ELFN1: variants seen among roughly 807,000 people sequenced by gnomAD.
ELFN1 encodes protein ELFN1.
A neutral mutation model predicts 7.6 loss-of-function variants in ELFN1; 6 were observed. That is an observed-to-expected ratio of 0.79 (90% CI 0.43 to 1.56). ELFN1 has a LOEUF of 1.56. Among genes scored for constraint, ELFN1 ranks in the 40% most tolerant of loss-of-function variants. The pLI, the probability that ELFN1 is intolerant of heterozygous loss-of-function variation, is 0.01. For synonymous variants in ELFN1, 657 were observed against 588.1 expected (o/e 1.12, Z -1.70); for missense variants, 1,169 against 1,232.2 (o/e 0.95, Z 0.77).
chr7:1,726,710 C>T (rs1441501445), intron 3 of ELFN1, among the ~76,000 whole-genome samples: 4 of 152,206 alleles, frequency 2.6e-5, no homozygotes, highest in Admixed American at 1.3e-4. Context: ...GCCAGAGGCA[C>T]GGCAAGGGTG....
Position 1,744,284 on chromosome 7 carries a change from T to G in ELFN1, c.-293-20T>G. 1 of 277,070 alleles carries G rather than the reference T, an allele frequency of 3.6e-6. No homozygotes were observed. Among genetic ancestry groups the G allele is most frequent in the Non-Finnish European group, 6.3e-6 (1 of 158,166 alleles). The allele number at this position is 277,070 out of a possible 1,614,324, so 17.2% of individuals were successfully genotyped here. A position where few individuals can be genotyped will look rare whatever the true frequency, so the allele number is the denominator to read the frequency against. On this transcript the variant is annotated intron_variant, in intron 3 of 3. Transcript: ENST00000424383. The stretch of plus-strand genomic sequence containing the variant: ...CTTCTCTCTTGTCCCCTGACCGCTG[T>G]CTTCTCTCTTGTCTTGCAGCAGGAA...
chr7:1,670,795 G>C lies in ELFN1; in HGVS notation c.-549+441G>C, dbSNP rs1026182792. The stretch of plus-strand genomic sequence containing the variant: ...TGGCCGAGTCGCTGACCCCTCCCCA[G>C]GCTCGCATCGCCCTCCCTGCTGGGC... On this transcript the variant is annotated intron_variant, in intron 1 of 3. Transcript: ENST00000424383. The surrounding 1 kb of genome is among the most constrained non-coding windows in gnomAD (Gnocchi z 6.4). Among the ~76,000 whole-genome samples, 1 of 152,140 alleles carries C rather than the reference G, an allele frequency of 6.6e-6. No individual in the cohort carries two copies. The highest frequency in any genetic ancestry group is 6.5e-5 in the Admixed American group (1 of 15,282).
In ELFN1 at chr7:1,746,432, G is replaced by T; in HGVS notation, c.1836G>T (p.Leu612=). 1 of 1,532,006 alleles carries T rather than the reference G, an allele frequency of 6.5e-7. No homozygotes were observed. Among genetic ancestry groups the T allele is most frequent in the Non-Finnish European group, 8.8e-7 (1 of 1,142,100 alleles). The allele number at this position is 1,532,006 out of a possible 1,614,324, so 94.9% of individuals were successfully genotyped here. A position where few individuals can be genotyped will look rare whatever the true frequency, so the allele number is the denominator to read the frequency against. The change falls in exon 4 of 4, where the codon CTG becomes CTT. Residue 612 remains leucine (L), a synonymous_variant. Coordinates refer to ENST00000424383, the MANE Select transcript of ELFN1 (RefSeq NM_001128636.4). ...CGCTGGCCGCCAAGCACGGCTTCCT[G>T]GCGCCCGGGTACAAGGACGCCTTCG... The part of the protein sequence containing the change: ...SEPLAAKHGF[L]APGYKDAFGH...
intron 2 of ELFN1, among the ~76,000 whole-genome samples, chr7:1,706,421 CAA>C (rs765908432): frequency 7.0e-6 from 1 of 143,418 alleles, no homozygotes; most frequent in African/African-American, 2.8e-5. Context: ...GACTCTGTCT[CAA>C]AAAAACAAAA....
At position 1,693,731 on chromosome 7, in the gene ELFN1, C is replaced by T. The variant is rs1292561884; in HGVS notation, c.-456+5581C>T. On this transcript the variant is annotated intron_variant, in intron 2 of 3. Coordinates refer to ENST00000424383, the MANE Select transcript of ELFN1 (RefSeq NM_001128636.4). ...GCGCCACACTCACCCTCCCGCTCGT[C>T]CCCATGGCAACCCCAGAGCAGGTGT... 5 of 471,020 alleles carry T rather than the reference C, an allele frequency of 1.1e-5. No individual in the cohort carries two copies. The Admixed American group carries it at 1.2e-4, about 11-fold the overall frequency. 29.2% of individuals were successfully genotyped at this position (471,020 alleles called of 1,614,324 possible). A position where few individuals can be genotyped will look rare whatever the true frequency, so the allele number is the denominator to read the frequency against.
chr7:1,741,452 C>T (rs1780611346), intron 3 of ELFN1, among the ~76,000 whole-genome samples: 1 of 152,326 alleles, frequency 6.6e-6, no homozygotes, highest in African/African-American at 2.4e-5. Context: ...CTGCCTCCCT[C>T]ATCACACAGG....
At chr7:1,715,000 C>G (rs937138005) in intron 3 of ELFN1, among the ~76,000 whole-genome samples, 1 of 152,132 alleles carries the variant, frequency 6.6e-6, no homozygotes, top group African/African-American at 2.4e-5. Context: ...CTCTGGCCAT[C>G]GTATCTGCAT....
Position 1,744,396 on chromosome 7 carries a change from A to C in ELFN1, c.-201A>C. The C allele has an allele frequency of 3.5e-6, 2 of 572,638 alleles. No homozygotes were observed. Among genetic ancestry groups the C allele is most frequent in the Non-Finnish European group, 5.9e-6 (2 of 339,132 alleles). 35.5% of individuals were successfully genotyped at this position (572,638 alleles called of 1,614,324 possible). On this transcript the variant is annotated 5_prime_UTR_variant, in exon 4 of 4. Coordinates refer to ENST00000424383, the MANE Select transcript of ELFN1 (RefSeq NM_001128636.4). ...TCGGTCACCACAGGACTGGGGCGGA[A>C]GACGAGAGGCGGCCGGCCGTGAGGG...
Position 1,670,844 on chromosome 7 carries a change from C to T in ELFN1, c.-549+490C>T, listed in dbSNP as rs1778750821. ...GCCGCCCTCCCCCCGACGCTGCGAG[C>T]CTCCTCGCTCCGCGCGGGGACCGTC... On this transcript the variant is annotated intron_variant, in intron 1 of 3. Transcript: ENST00000424383. The surrounding 1 kb of genome is among the most constrained non-coding windows in gnomAD (Gnocchi z 6.4). Among the ~76,000 whole-genome samples, 1 of 152,134 alleles carries T rather than the reference C, an allele frequency of 6.6e-6. No homozygotes were observed. The highest frequency in any genetic ancestry group is 1.9e-4 in the East Asian group (1 of 5,152).
At chr7:1,672,975 G>GA (rs1196649317) in intron 1 of ELFN1, among the ~76,000 whole-genome samples, 2 of 152,136 alleles carry the variant, frequency 1.3e-5, no homozygotes, top group Non-Finnish European at 2.9e-5. Flanking sequence ...ACAGGCGAGA[G>GA]ATAGATAGAT....
Position 1,746,626 on chromosome 7 carries a change from C to A in ELFN1, c.2030C>A (p.Ala677Asp). The change falls in exon 4 of 4, where the codon GCC becomes GAC. Residue 677 changes from alanine (A) to aspartate (D), a missense_variant. This residue lies in a region of ELFN1 where 914 missense variants were observed against 872.6 expected (regional missense o/e 1.05). Transcript: ENST00000424383. The stretch of plus-strand genomic sequence containing the variant: ...TACATCGAGAAGGGCTCCCCCGCGG[C>A]CGACGCCATCCTCACTGTGACACCC... ...AKYIEKGSPAADAILTVTPAA... is the reference protein window; with the variant it reads ...AKYIEKGSPADDAILTVTPAA... The A allele has an allele frequency of 1.5e-6, 2 of 1,350,282 alleles. No homozygotes were observed. Among genetic ancestry groups the A allele is most frequent in the Non-Finnish European group, 1.9e-6 (2 of 1,056,050 alleles). 83.6% of individuals were successfully genotyped at this position (1,350,282 alleles called of 1,614,324 possible). A position where few individuals can be genotyped will look rare whatever the true frequency, so the allele number is the denominator to read the frequency against.
At chr7:1,697,895 C>A (rs1017563265) in intron 2 of ELFN1, among the ~76,000 whole-genome samples, 2 of 152,234 alleles carry the variant, frequency 1.3e-5, no homozygotes, top group African/African-American at 4.8e-5. Context: ...AGTGATCCTC[C>A]CGCCTCAGCC....
intron 1 of ELFN1, among the ~76,000 whole-genome samples, chr7:1,680,737 ATTTTTT>A (rs967183963): frequency 1.6e-5 from 2 of 128,922 alleles, no homozygotes; most frequent in African/African-American, 6.0e-5. Flanking sequence ...TGGATTTACA[ATTTTTT>A]TTTTTTTTTT....
In ELFN1 at chr7:1,740,156, G is replaced by T. The variant is rs1356945731; in HGVS notation, c.-293-4148G>T. Among the ~76,000 whole-genome samples the T allele has an allele frequency of 6.6e-6, 1 of 152,164 alleles. No homozygotes were observed. The highest frequency in any genetic ancestry group is 2.4e-5 in the African/African-American group (1 of 41,426). ...CCTGAGGGGTGCCCATTCCAGAGGCGCCACGGCCTCTGTGTCTCCCTGAGG... is the reference window on the plus strand; with the variant it reads ...CCTGAGGGGTGCCCATTCCAGAGGCTCCACGGCCTCTGTGTCTCCCTGAGG... On this transcript the variant is annotated intron_variant, in intron 3 of 3. Coordinates refer to ENST00000424383, the MANE Select transcript of ELFN1 (RefSeq NM_001128636.4). The surrounding 1 kb of genome is among the most constrained non-coding windows in gnomAD (Gnocchi z 5.0).
Position 1,724,147 on chromosome 7 carries a change from A to T in ELFN1, c.-294+14895A>T, listed in dbSNP as rs180788041. 7.2e-5 allele frequency among the ~76,000 whole-genome samples: 11 copies of T among 152,354 alleles called. No individual in the cohort carries two copies. The East Asian group carries it at 2.1e-3, about 29-fold the overall frequency. The stretch of plus-strand genomic sequence containing the variant: ...ACAGCACAGACGTCACAGGGTTACC[A>T]TAAGTATCCAACATGTTAATATATG... On this transcript the variant is annotated intron_variant, in intron 3 of 3. Coordinates refer to ENST00000424383, the MANE Select transcript of ELFN1 (RefSeq NM_001128636.4).
At chr7:1,723,194 CA>C (rs1036778915) in intron 3 of ELFN1, among the ~76,000 whole-genome samples, 1 of 152,010 alleles carries the variant, frequency 6.6e-6, no homozygotes, top group Non-Finnish European at 1.5e-5. Flanking sequence ...AACTCCATCT[CA>C]AAAAAAATTT....
chr7:1,713,846 C>T (rs996598162), intron 3 of ELFN1, among the ~76,000 whole-genome samples: 3 of 152,180 alleles, frequency 2.0e-5, no homozygotes, highest in Admixed American at 1.3e-4. Context: ...ATCCCCGCAC[C>T]CTGCGTGCCA....
chr7:1,667,193 A>G (rs1474273050), upstream of ELFN1, among the ~76,000 whole-genome samples: 1 of 150,872 alleles, frequency 6.6e-6, no homozygotes, highest in Non-Finnish European at 1.5e-5. The surrounding 1 kb of genome is among the most constrained non-coding windows in gnomAD (Gnocchi z 8.2). Context: ...CCTGGGCCGT[A>G]CCCGCGCAAT....
chr7:1,697,104 C>T (rs1009831793), intron 2 of ELFN1, among the ~76,000 whole-genome samples: 4 of 152,280 alleles, frequency 2.6e-5, no homozygotes, highest in African/African-American at 9.6e-5. Flanking sequence ...ATCTGGGCTT[C>T]GCGGCAGGGG....
Sources: gnomAD v4.1 joint callset for allele counts (sites outside exome capture counted in the v4.1 genomes callset) on GRCh38, gnomAD v4.1.1 for gene constraint, gnomAD v4.1.1 regional missense constraint, Gnocchi (gnomAD v3.1) non-coding constraint, MANE v1.5 for transcripts, NCBI Gene and HGNC (gene_info 2026-07-23, HGNC 2026-07-21) for gene names.